Variants in DIXDC1 observed in about 807,000 individuals in gnomAD.
The protein encoded by DIXDC1 is dixin.
In DIXDC1, 64 loss-of-function variants were observed where a neutral mutation model predicts 103.1. The ratio of observed to expected loss-of-function variants is 0.62; its 90% CI spans 0.51 to 0.76. DIXDC1 has a LOEUF of 0.76. Ranked by LOEUF, DIXDC1 falls within the 30% of genes least tolerant of loss-of-function variation. DIXDC1 has a pLI of 0.00. For synonymous variants in DIXDC1, 266 were observed against 298.5 expected (o/e 0.89, Z 1.12); for missense variants, 759 against 834.2 (o/e 0.91, Z 1.11).
chr11:111,969,010 G>A (rs983263804), intron 3 of DIXDC1, among the ~76,000 whole-genome samples: 7 of 152,060 alleles, frequency 4.6e-5, no homozygotes, highest in African/African-American at 1.7e-4. Flanking sequence ...CTGACCTCAA[G>A]TGATCTACCC....
intron 3 of DIXDC1, among the ~76,000 whole-genome samples, chr11:111,973,547 CT>C (rs1278058816): frequency 6.6e-6 from 1 of 152,178 alleles, no homozygotes; most frequent in Non-Finnish European, 1.5e-5. Flanking sequence ...AGACTAGTGA[CT>C]TTTTAAGTGC....
chr11:111,963,884 T>G (rs1416075238), intron 1 of DIXDC1, among the ~76,000 whole-genome samples: 2 of 152,210 alleles, frequency 1.3e-5, no homozygotes, highest in Non-Finnish European at 2.9e-5. Flanking sequence ...TAGCCTTTCT[T>G]TTTCCTTCTT....
rs1365154253 is a variant in DIXDC1 at position 111,976,600 on chromosome 11, C to A, written c.656+1617C>A. Among the ~76,000 whole-genome samples the A allele has an allele frequency of 6.6e-6, 1 of 152,128 alleles. No individual in the cohort carries two copies. Among genetic ancestry groups the A allele is most frequent in the Non-Finnish European group, 1.5e-5 (1 of 68,010 alleles). ...GGAACCCAGCAGGTTCCCGCACATT[C>A]TGAGCCCTCGCCCCCAGGGAGCCCA... On this transcript the variant is annotated intron_variant, in intron 5 of 19. Transcript: ENST00000440460. The surrounding 1 kb of genome is among the most constrained non-coding windows in gnomAD (Gnocchi z 4.3).
Position 111,998,969 on chromosome 11 carries a change from A to G in DIXDC1, c.1756+2823A>G, listed in dbSNP as rs995984471. On this transcript the variant is annotated intron_variant, in intron 17 of 19. Transcript: ENST00000440460. This position sits in a 1 kb window ranked among gnomAD's most constrained non-coding sequence, Gnocchi z 4.1. ...ATATACAATCAAACAGATCTAGGGTACAATTTGGGCTGCACCATTCAGCAC... is the reference window on the plus strand; with the variant it reads ...ATATACAATCAAACAGATCTAGGGTGCAATTTGGGCTGCACCATTCAGCAC... Among the ~76,000 whole-genome samples, 1 of 152,258 alleles carries G rather than the reference A, an allele frequency of 6.6e-6. No individual in the cohort carries two copies. Among genetic ancestry groups the G allele is most frequent in the Non-Finnish European group, 1.5e-5 (1 of 68,046 alleles).
At chr11:111,942,736 A>G (rs1555168983) in intron 1 of DIXDC1, among the ~76,000 whole-genome samples, 2 of 152,210 alleles carry the variant, frequency 1.3e-5, no homozygotes, top group African/African-American at 4.8e-5. Context: ...TTAGCTCTTT[A>G]CTTTCTGATA....
chr11:111,947,222 T>C (rs587689455), intron 1 of DIXDC1, among the ~76,000 whole-genome samples: 1 of 152,248 alleles, frequency 6.6e-6, no homozygotes, highest in South Asian at 2.1e-4. Context: ...GCACTGCTTT[T>C]CCCTATTTTA....
At chr11:111,967,215 A>C (rs1859767227) in intron 2 of DIXDC1, among the ~76,000 whole-genome samples, 1 of 152,222 alleles carries the variant, frequency 6.6e-6, no homozygotes, top group South Asian at 2.1e-4. Flanking sequence ...AATATCCAAC[A>C]TCTCTACTTG....
Position 111,974,807 on chromosome 11 carries a change from C to T in DIXDC1, c.549-69C>T, listed in dbSNP as rs1213236338. On this transcript the variant is annotated intron_variant, in intron 4 of 19. Transcript: ENST00000440460. ...TACTGCTCGCAGAGTGGCAGTCTCT[C>T]TGTACTTGTTGAGTTGATCTGATCT... 3.8e-6 allele frequency: 6 copies of T among 1,573,430 alleles called. No individual in the cohort carries two copies. In the African/African-American group the frequency reaches 5.4e-5, roughly 14 times the overall value.
At chr11:111,936,062 T>C (rs1555168082), upstream of DIXDC1, among the ~76,000 whole-genome samples, 1 of 152,238 alleles carries the variant, frequency 6.6e-6, no homozygotes, top group East Asian at 1.9e-4. Flanking sequence ...TACTGACTTT[T>C]CTGGCTAAGG....
chr11:111,930,350 G>A (rs1436167943), intron 2 of DIXDC1, among the ~76,000 whole-genome samples: 2 of 151,934 alleles, frequency 1.3e-5, no homozygotes, highest in Non-Finnish European at 2.9e-5. Flanking sequence ...AGCAATCTCA[G>A]CTCACTGCAA....
chr11:111,998,933 A>G lies in DIXDC1; in HGVS notation c.1756+2787A>G, dbSNP rs1860984980. Reference sequence around the variant, plus strand: ...ACTGGACACAAAACAATAGAGAGGGAAAAATACAGAATATACAATCAAACA... The same window carrying G: ...ACTGGACACAAAACAATAGAGAGGGGAAAATACAGAATATACAATCAAACA... On this transcript the variant is annotated intron_variant, in intron 17 of 19. Coordinates refer to ENST00000440460, the MANE Select transcript of DIXDC1 (RefSeq NM_001037954.4). The surrounding 1 kb of genome is among the most constrained non-coding windows in gnomAD (Gnocchi z 4.1). 6.6e-6 allele frequency among the ~76,000 whole-genome samples: 1 copy of G among 152,246 alleles called. No individual in the cohort carries two copies. Among genetic ancestry groups the G allele is most frequent in the South Asian group, 2.1e-4 (1 of 4,836 alleles).
upstream of DIXDC1, among the ~76,000 whole-genome samples, chr11:111,934,132 G>C (rs1273353387): frequency 1.3e-5 from 2 of 152,172 alleles, no homozygotes; most frequent in Non-Finnish European, 2.9e-5. Flanking sequence ...CCATTTAGTA[G>C]CTATTGGGTC....
Position 111,976,320 on chromosome 11 carries a change from C to G in DIXDC1, c.656+1337C>G, listed in dbSNP as rs1404615619. Among the ~76,000 whole-genome samples the G allele has an allele frequency of 2.6e-5, 4 of 152,068 alleles. No homozygotes were observed. The highest frequency in any genetic ancestry group is 5.9e-5 in the Non-Finnish European group (4 of 68,018). On this transcript the variant is annotated intron_variant, in intron 5 of 19. Transcript: ENST00000440460. This position sits in a 1 kb window ranked among gnomAD's most constrained non-coding sequence, Gnocchi z 4.3. ...TGCTTTCTCCTCCAAGGCAGGAGGA[C>G]TGAGGGGAGGGCTGTGAGACTGTGA...
At chr11:111,961,381 T>G (rs1357615354) in intron 1 of DIXDC1, among the ~76,000 whole-genome samples, 1 of 152,232 alleles carries the variant, frequency 6.6e-6, no homozygotes, top group Non-Finnish European at 1.5e-5. Context: ...TATTCATGAT[T>G]TACTGTTTGG....
At chr11:111,946,866 A>G (rs782158165) in intron 1 of DIXDC1, 1 of 367,898 alleles carries the variant, frequency 2.7e-6, no homozygotes, top group Non-Finnish European at 5.6e-6. Flanking sequence ...AGAAAAGCCT[A>G]CAATGGTATG....
rs150757111 is a variant in DIXDC1 at position 111,962,112 on chromosome 11, G to A, written c.61-2437G>A. On this transcript the variant is annotated intron_variant, in intron 1 of 19. Transcript: ENST00000440460. The stretch of plus-strand genomic sequence containing the variant: ...ATTGTGTGACATAGGAAGCCCTCAG[G>A]GAGATCAGAGTCTGTGGTATCTGAG... 5.9e-5 allele frequency among the ~76,000 whole-genome samples: 9 copies of A among 152,284 alleles called. No individual in the cohort carries two copies. The East Asian group carries it at 1.5e-3, about 26-fold the overall frequency.
chr11:111,933,375 G>A (rs1055179248), upstream of DIXDC1, among the ~76,000 whole-genome samples: 12 of 152,240 alleles, frequency 7.9e-5, no homozygotes, highest in African/African-American at 2.4e-4. Context: ...TGATCTGCCC[G>A]CCTTCCGCCT....
Position 111,975,147 on chromosome 11 carries a change from TAGG to T in DIXDC1, c.656+168_656+170del, listed in dbSNP as rs1175169744. 6 of 1,427,946 alleles carry T rather than the reference TAGG, an allele frequency of 4.2e-6. No individual in the cohort carries two copies. The Admixed American group carries it at 1.2e-4, about 30-fold the overall frequency. The allele number at this position is 1,427,946 out of a possible 1,614,324, so 88.5% of individuals were successfully genotyped here. On this transcript the variant is annotated intron_variant, in intron 5 of 19. Coordinates refer to ENST00000440460, the MANE Select transcript of DIXDC1 (RefSeq NM_001037954.4). Reference sequence around the variant, plus strand: ...GCAGTGCTTTGTGGGTTTGTGCTAGTAGGAGGGTAGGAAGGTAGGGTGGGGTGC... The same window carrying T: ...GCAGTGCTTTGTGGGTTTGTGCTAGTAGGGTAGGAAGGTAGGGTGGGGTGC...
chr11:111,943,534 C>T (rs11214048), intron 1 of DIXDC1, among the ~76,000 whole-genome samples: 2 of 132,258 alleles, frequency 1.5e-5, no homozygotes, highest in East Asian at 4.3e-4. Flanking sequence ...GAGGCTTGCT[C>T]TGTCCCCTAG....
Sources: allele counts gnomAD v4.1 joint callset (sites outside exome capture counted in the v4.1 genomes callset), GRCh38; gene constraint gnomAD v4.1.1; non-coding constraint Gnocchi (gnomAD v3.1); transcripts MANE v1.5; gene names NCBI Gene and HGNC (gene_info 2026-07-23, HGNC 2026-07-21).